Variants in DPH5 observed in about 807,000 individuals in gnomAD.
The protein encoded by DPH5 is diphthamide biosynthesis 5.
DPH5 carries 31 observed loss-of-function variants against 31.6 expected under a neutral mutation model. The observed-to-expected ratio is 0.98, with a 90% confidence interval of 0.74 to 1.32. DPH5 has a LOEUF of 1.32. Among genes scored for constraint, DPH5 ranks in the 40% most tolerant of loss-of-function variants. The pLI, the probability that DPH5 is intolerant of heterozygous loss-of-function variation, is 0.00. For missense variants in DPH5, 309 were observed against 335.7 expected, an observed-to-expected ratio of 0.92 and a Z score of 0.62; for synonymous variants, 120 against 115.0, an observed-to-expected ratio of 1.04 and a Z score of -0.28.
At chr1:100,992,520 G>T in intron 7 of DPH5, 117 bp downstream of exon 7, 1 of 672,270 alleles carries the variant, frequency 1.5e-6, no homozygotes, top group Non-Finnish European at 2.4e-6. Flanking sequence ...ACAAGAAATA[G>T]TACAATACAA....
At chr1:101,001,087 T>C (rs964912057) in intron 5 of DPH5, among the ~76,000 whole-genome samples, 4 of 152,204 alleles carry the variant, frequency 2.6e-5, no homozygotes, top group African/African-American at 9.6e-5. Context: ...ATAGCATCAA[T>C]ACTGCAGTAT....
chr1:100,999,763 T>C (rs1416825298), intron 5 of DPH5, among the ~76,000 whole-genome samples: 1 of 151,564 alleles, frequency 6.6e-6, no homozygotes, highest in Non-Finnish European at 1.5e-5. Flanking sequence ...CGCTTGAACC[T>C]GGGAGGTGGA....
intron 4 of DPH5, among the ~76,000 whole-genome samples, chr1:101,009,769 C>T (rs946903496): frequency 2.6e-5 from 4 of 152,210 alleles, no homozygotes; most frequent in African/African-American, 9.7e-5. Flanking sequence ...AACATCTAAA[C>T]TCCTAATGTT....
At chr1:101,013,860 C>G in intron 3 of DPH5, 42 bp from the exon 4 acceptor site, 2 of 1,459,644 alleles carry the variant, frequency 1.4e-6, no homozygotes, top group Non-Finnish European at 1.9e-6. Flanking sequence ...GCAAACAACA[C>G]TTTTAAGACA....
At chr1:101,011,680 T>A (rs561471391) in intron 4 of DPH5, 36 of 152,284 alleles carry the variant, frequency 2.4e-4, no homozygotes, top group African/African-American at 7.9e-4. Context: ...GGATGTGTTC[T>A]ATTTTTATGC....
chr1:101,015,512 T>C (rs927723908), intron 3 of DPH5, among the ~76,000 whole-genome samples: 7 of 152,184 alleles, frequency 4.6e-5, no homozygotes, highest in Non-Finnish European at 1.0e-4. Flanking sequence ...ACAGGGAGAA[T>C]AGATTTAGCA....
At chr1:100,992,576 A>T in intron 7 of DPH5, 61 bp downstream of exon 7, 1 of 1,198,922 alleles carries the variant, frequency 8.3e-7, no homozygotes, top group Non-Finnish European at 1.2e-6. Flanking sequence ...ATTAAGTCAT[A>T]TACACATCTA....
intron 7 of DPH5, among the ~76,000 whole-genome samples, chr1:100,991,552 C>G (rs1240469092): frequency 6.6e-6 from 1 of 152,136 alleles, no homozygotes; most frequent in East Asian, 1.9e-4. Flanking sequence ...TTTTGGGAGG[C>G]TGAGGCAGGC....
intron 5 of DPH5, chr1:100,995,886 A>C (rs978462339): frequency 6.6e-6 from 1 of 152,250 alleles, no homozygotes; most frequent in Non-Finnish European, 1.5e-5. Context: ...CCTGCTTTAC[A>C]TGCTGAAAAC....
chr1:100,990,807 G>A (rs577823760), intron 7 of DPH5, among the ~76,000 whole-genome samples, 176 bp from the exon 8 acceptor site: 1 of 152,142 alleles, frequency 6.6e-6, no homozygotes, highest in South Asian at 2.1e-4. Context: ...TAAATCATTT[G>A]TATTACCTAA....
rs191106359 is a variant in DPH5 at position 101,024,028 on chromosome 1, C to T, written c.135+1281G>A. On this transcript the variant is annotated intron_variant, in intron 2 of 7. Coordinates refer to ENST00000370109, the MANE Select transcript of DPH5 (RefSeq NM_015958.3). ...CTTTTCCTTAATCACTGATTAGAGA[C>T]GCACATTTCCATCATTTCGAGCTTA... is the stretch of plus-strand genomic sequence containing the variant. Among the ~76,000 whole-genome samples the T allele has an allele frequency of 1.6e-4, 24 of 152,238 alleles. No individual in the cohort carries two copies. The East Asian group carries it at 3.3e-3, about 21-fold the overall frequency.
At chr1:101,019,555 T>G (rs946139248) in intron 3 of DPH5, among the ~76,000 whole-genome samples, 14 of 152,140 alleles carry the variant, frequency 9.2e-5, no homozygotes, top group African/African-American at 3.4e-4. Context: ...GGTCTTAAAA[T>G]TAAATAAGGG....
intron 5 of DPH5, chr1:100,995,755 G>A (rs1658291938): frequency 6.6e-6 from 1 of 152,258 alleles, no homozygotes; most frequent in African/African-American, 2.4e-5. Context: ...ACAAATATTT[G>A]ATTCGGTATA....
intron 5 of DPH5, among the ~76,000 whole-genome samples, chr1:101,001,220 C>T (rs1220269711): frequency 6.6e-6 from 1 of 152,182 alleles, no homozygotes; most frequent in Non-Finnish European, 1.5e-5. Context: ...TGGAGAGGAT[C>T]TACTAGGGCA....
At chr1:101,006,687 G>A (rs966433871) in intron 4 of DPH5, among the ~76,000 whole-genome samples, 5 of 151,940 alleles carry the variant, frequency 3.3e-5, no homozygotes, top group African/African-American at 1.2e-4. Context: ...GTAACGATAA[G>A]AATCACTACA....
In DPH5 at chr1:101,025,190, A is replaced by G. The variant is rs185345704; in HGVS notation, c.135+119T>C. ...CTGCTCCTCAGATCATTAATGAACA[A>G]GGGATGCGTTTCAAAGGGTTTAAAC... On this transcript the variant is annotated intron_variant, in intron 2 of 7. Transcript: ENST00000370109. 43 of 1,238,126 alleles carry G rather than the reference A, an allele frequency of 3.5e-5. No homozygotes were observed. The Admixed American group carries it at 8.2e-4, about 24-fold the overall frequency. 76.7% of individuals were successfully genotyped at this position (1,238,126 alleles called of 1,614,324 possible). A position where few individuals can be genotyped will look rare whatever the true frequency, so the allele number is the denominator to read the frequency against.
intron 5 of DPH5, among the ~76,000 whole-genome samples, chr1:100,996,627 C>G (rs1658373043): frequency 6.6e-6 from 1 of 152,194 alleles, no homozygotes; most frequent in Non-Finnish European, 1.5e-5. Context: ...AGTGACTCTC[C>G]TACCACTCAG....
At chr1:101,012,699 C>G (rs1027839185) in intron 4 of DPH5, among the ~76,000 whole-genome samples, 1 of 152,162 alleles carries the variant, frequency 6.6e-6, no homozygotes, top group African/African-American at 2.4e-5. Flanking sequence ...AAATTCCATG[C>G]TAATTTAAAC....
chr1:101,001,904 GA>G (rs199582123), intron 4 of DPH5, among the ~76,000 whole-genome samples: 138 of 147,374 alleles, frequency 9.4e-4, no homozygotes, highest in South Asian at 1.5e-3. Flanking sequence ...GAACCCAGGA[GA>G]AAAAAAAAAG....
Sources: allele counts gnomAD v4.1 joint callset (sites outside exome capture counted in the v4.1 genomes callset), GRCh38; gene constraint gnomAD v4.1.1; transcripts MANE v1.5; gene names NCBI Gene and HGNC (gene_info 2026-07-23, HGNC 2026-07-21).